KAT14: variants seen among roughly 807,000 people sequenced by gnomAD.
KAT14 encodes the protein cysteine-rich protein 2-binding protein.
Under a neutral mutation model 78.4 loss-of-function variants are expected in KAT14, and 66 were observed. The observed-to-expected ratio is 0.84, with a 90% CI of 0.69 to 1.03. KAT14 has a LOEUF of 1.03. Among genes scored for constraint, KAT14 ranks in the 50% least tolerant of loss-of-function variants. KAT14 has a pLI of 0.00. For synonymous variants in KAT14, 344 were observed against 359.4 expected (o/e 0.96, Z 0.48); for missense variants, 870 against 972.5 (o/e 0.89, Z 1.40).
At chr20:18,150,963 C>G in intron 4 of KAT14, 21 bp downstream of exon 4, 8 of 1,611,362 alleles carry the variant, frequency 5.0e-6, no homozygotes, top group Non-Finnish European at 6.8e-6. Context: ...TTTAAAAAAT[C>G]TTATACTTCA....
chr20:18,164,213 C>T (rs2038550614), intron 7 of KAT14, among the ~76,000 whole-genome samples: 1 of 152,174 alleles, frequency 6.6e-6, no homozygotes, highest in African/African-American at 2.4e-5. Context: ...TACCAGGAGC[C>T]AAGTCGGGAG....
At chr20:18,148,985 G>T (rs900501874) in intron 3 of KAT14, among the ~76,000 whole-genome samples, 6 of 152,064 alleles carry the variant, frequency 3.9e-5, no homozygotes, top group African/African-American at 1.4e-4. Flanking sequence ...TTTATAGTTT[G>T]CCTAGTAAAG....
rs2037784304 is a variant in KAT14 at position 18,145,272 on chromosome 20, A to AT, written c.306dup (p.Arg103Ter). The AT allele has an allele frequency of 6.2e-7, 1 of 1,614,110 alleles. No individual in the cohort carries two copies. ...CAGCTCAGTTACCTTAAGGGTGATA[A>AT]TTTTTTTAGGTTTACTTGTTCGGAT... On this transcript the variant is annotated frameshift_variant, in exon 3 of 11. Coordinates refer to ENST00000688188, the MANE Select transcript of KAT14 (RefSeq NM_001392073.1). LOFTEE classifies it high-confidence loss of function.
intron 5 of KAT14, 60 bp downstream of exon 5, chr20:18,159,325 C>T: frequency 6.4e-7 from 1 of 1,559,092 alleles, no homozygotes; most frequent in Admixed American, 2.1e-5. Flanking sequence ...CAGGTGTGAG[C>T]CCAGGAGACG....
chr20:18,186,830 T>C (rs1438905069), intron 10 of KAT14, among the ~76,000 whole-genome samples: 1 of 152,222 alleles, frequency 6.6e-6, no homozygotes, highest in Non-Finnish European at 1.5e-5. Context: ...ATATTTCATG[T>C]TTGTGCATGT....
In KAT14 at chr20:18,137,911, G is replaced by A; in HGVS notation, c.-594G>A. On this transcript the variant is annotated 5_prime_UTR_variant, in exon 1 of 11. Transcript: ENST00000688188. ...GTGCGCACTCTGCGGCGGCCTCTGC[G>A]CCTCGGGCGGGCGGGAGAGAGAGGC... is the stretch of plus-strand genomic sequence containing the variant. 1 of 1,457,462 alleles carries A rather than the reference G, an allele frequency of 6.9e-7. No individual in the cohort carries two copies. The highest frequency in any genetic ancestry group is 1.3e-5 in the South Asian group (1 of 75,656). The allele number at this position is 1,457,462 out of a possible 1,614,324, so 90.3% of individuals were successfully genotyped here.
At chr20:18,149,720 C>A (rs547935757) in intron 3 of KAT14, among the ~76,000 whole-genome samples, 1 of 152,122 alleles carries the variant, frequency 6.6e-6, no homozygotes, top group South Asian at 2.1e-4. Flanking sequence ...CATCTGTAAT[C>A]CCAGCACTTT....
At position 18,162,062 on chromosome 20, in the gene KAT14, G is replaced by C. The variant is rs760077403; in HGVS notation, c.922G>C (p.Val308Leu). ...RPDVILEKGE[V>L]IDFSSLSSSD... ...AGATGTGATTCTGGAAAAAGGCGAAGTGATTGACTTTTCCTCCTTGAGCTC... is the reference window on the plus strand; with the variant it reads ...AGATGTGATTCTGGAAAAAGGCGAACTGATTGACTTTTCCTCCTTGAGCTC... The change falls in exon 6 of 11, where the codon GTG becomes CTG. Residue 308 changes from valine (V) to leucine (L), a missense_variant. Coordinates refer to ENST00000688188, the MANE Select transcript of KAT14 (RefSeq NM_001392073.1). The C allele has an allele frequency of 1.1e-5, 17 of 1,614,134 alleles. No homozygotes were observed. Among genetic ancestry groups the C allele is most frequent in the Non-Finnish European group, 1.4e-5 (17 of 1,180,042 alleles).
intron 7 of KAT14, among the ~76,000 whole-genome samples, chr20:18,178,797 A>G (rs2039143125): frequency 6.6e-6 from 1 of 152,108 alleles, no homozygotes; most frequent in Non-Finnish European, 1.5e-5. Flanking sequence ...TAAAAAACCA[A>G]TCATGCCTTC....
At chr20:18,139,970 G>A (rs951253471) in intron 1 of KAT14, among the ~76,000 whole-genome samples, 7 of 152,160 alleles carry the variant, frequency 4.6e-5, no homozygotes, top group African/African-American at 1.4e-4. Context: ...GGTCTTTAGT[G>A]ATTAGTAAGG....
chr20:18,157,405 TA>T (rs1416288493), intron 4 of KAT14, among the ~76,000 whole-genome samples: 4 of 152,204 alleles, frequency 2.6e-5, no homozygotes, highest in African/African-American at 9.6e-5. Flanking sequence ...TATTTTTTTG[TA>T]AAAATGAGGT....
intron 7 of KAT14, 23 bp from the exon 8 acceptor site, chr20:18,181,687 T>C (rs2039259456): frequency 6.2e-7 from 1 of 1,613,958 alleles, no homozygotes; most frequent in South Asian, 1.1e-5. Flanking sequence ...TATTTCTATA[T>C]AACCAGTGTT....
intron 4 of KAT14, among the ~76,000 whole-genome samples, chr20:18,154,138 C>T (rs917854004): frequency 1.3e-5 from 2 of 152,190 alleles, no homozygotes; most frequent in African/African-American, 4.8e-5. Context: ...TCCCCTGAAA[C>T]CACTACCCCT....
At chr20:18,156,077 C>T (rs932112180) in intron 4 of KAT14, among the ~76,000 whole-genome samples, 2 of 152,180 alleles carry the variant, frequency 1.3e-5, no homozygotes, top group East Asian at 1.9e-4. Flanking sequence ...GACATTCTGG[C>T]ACATGCTGCA....
chr20:18,183,329 A>G lies in KAT14; in HGVS notation c.1981+31A>G, dbSNP rs775693821. 4.7e-5 allele frequency: 76 copies of G among 1,603,678 alleles called. No homozygotes were observed. In the South Asian group the frequency reaches 6.2e-4, roughly 13 times the overall value. On this transcript the variant is annotated intron_variant, in intron 9 of 10. Coordinates refer to ENST00000688188, the MANE Select transcript of KAT14 (RefSeq NM_001392073.1). ...TTCCCCCTCCCAAACCAGGCAGGTCATTTTTCTGTACAGTCCATTCTAGCA... is the reference window on the plus strand; with the variant it reads ...TTCCCCCTCCCAAACCAGGCAGGTCGTTTTTCTGTACAGTCCATTCTAGCA...
At chr20:18,167,224 C>A (rs564293848) in intron 7 of KAT14, among the ~76,000 whole-genome samples, 7 of 152,294 alleles carry the variant, frequency 4.6e-5, no homozygotes, top group South Asian at 2.1e-4. Context: ...CTGGCTGCTG[C>A]CTGGATTTTA....
At chr20:18,137,776 C>G (rs911230898), upstream of KAT14, 10 of 561,338 alleles carry the variant, frequency 1.8e-5, no homozygotes, top group African/African-American at 2.0e-4. Context: ...AGAGCCTGGG[C>G]GCCGCTCTAT....
chr20:18,173,331 T>C (rs2038919681), intron 7 of KAT14, among the ~76,000 whole-genome samples: 1 of 152,258 alleles, frequency 6.6e-6, no homozygotes, highest in Non-Finnish European at 1.5e-5. Context: ...ACAGAGGCTC[T>C]GCTCCCGTGT....
chr20:18,145,450 T>C (rs915997994), intron 3 of KAT14, 99 bp downstream of exon 3: 3 of 1,505,070 alleles, frequency 2.0e-6, no homozygotes, highest in Admixed American at 2.1e-5. Context: ...TTGAGTTGTT[T>C]GGAGGGGCAC....
Sources: allele counts gnomAD v4.1 joint callset (sites outside exome capture counted in the v4.1 genomes callset), GRCh38; gene constraint gnomAD v4.1.1; transcripts MANE v1.5; gene names NCBI Gene and HGNC (gene_info 2026-07-23, HGNC 2026-07-21).